Variants in EPHA6 observed in about 807,000 individuals in gnomAD.
EPHA6 encodes the protein EPH receptor A6.
EPHA6 carries 50 observed loss-of-function variants against 112.0 expected under a neutral mutation model. The ratio of observed to expected loss-of-function variants is 0.45; its 90% CI spans 0.36 to 0.56. The LOEUF (loss-of-function observed/expected upper bound fraction) is 0.56. EPHA6 is among the 20% of genes least tolerant of loss of function. EPHA6 has a pLI of 0.00. For missense variants in EPHA6, 1,280 were observed against 1,417.4 expected (o/e 0.90, Z 1.56); for synonymous variants, 529 against 490.7 (o/e 1.08, Z -1.03).
At chr3:96,983,357 C>A (rs11924867) in intron 2 of EPHA6, among the ~76,000 whole-genome samples, 2,422 of 152,234 alleles carry the variant, frequency 0.016, 64 homozygotes, top group African/African-American at 0.049. Flanking sequence ...AAATTCTTTT[C>A]TTTTAGAATG....
chr3:97,330,720 A>C (rs1185231006), intron 5 of EPHA6, among the ~76,000 whole-genome samples: 1 of 152,122 alleles, frequency 6.6e-6, no homozygotes, highest in African/African-American at 2.4e-5. Context: ...TATGCACCCA[A>C]TACAGGAGCA....
chr3:97,649,436 CAT>C (rs1213634133), intron 14 of EPHA6, among the ~76,000 whole-genome samples: 2 of 151,918 alleles, frequency 1.3e-5, no homozygotes. Context: ...AATCTACTAA[CAT>C]AGAAAAAGCT....
intron 3 of EPHA6, among the ~76,000 whole-genome samples, chr3:97,074,685 T>A (rs979813988): frequency 6.6e-6 from 1 of 152,012 alleles, no homozygotes; most frequent in Non-Finnish European, 1.5e-5. Context: ...TCCAAGGATA[T>A]TTTTTGTTCT....
At chr3:97,531,580 T>C (rs1403833369) in intron 10 of EPHA6, among the ~76,000 whole-genome samples, 1 of 152,070 alleles carries the variant, frequency 6.6e-6, no homozygotes, top group African/African-American at 2.4e-5. Flanking sequence ...ATATAGCACT[T>C]ACAGGAATTT....
chr3:97,549,477 T>C (rs1394797741), intron 11 of EPHA6, among the ~76,000 whole-genome samples: 10 of 152,142 alleles, frequency 6.6e-5, no homozygotes, highest in Non-Finnish European at 1.2e-4. Flanking sequence ...AATGTCAGAA[T>C]CTGTTAAAGG....
At chr3:96,945,922 T>C (rs1449746871) in intron 2 of EPHA6, among the ~76,000 whole-genome samples, 1 of 152,148 alleles carries the variant, frequency 6.6e-6, no homozygotes, top group Non-Finnish European at 1.5e-5. Flanking sequence ...TAAAATACCA[T>C]GTGTCTACCA....
At chr3:97,735,268 G>T (rs2107847178) in intron 15 of EPHA6, among the ~76,000 whole-genome samples, 1 of 152,124 alleles carries the variant, frequency 6.6e-6, no homozygotes, top group Non-Finnish European at 1.5e-5. Flanking sequence ...CTAGCTCAGA[G>T]GACACTCAAG....
intron 12 of EPHA6, among the ~76,000 whole-genome samples, chr3:97,605,713 A>G (rs1351054432): frequency 6.6e-6 from 1 of 151,550 alleles, no homozygotes; most frequent in African/African-American, 2.4e-5. Flanking sequence ...TTTGCTTACA[A>G]TTGCCTTGGC....
intron 6 of EPHA6, among the ~76,000 whole-genome samples, chr3:97,440,210 T>A (rs1232579546): frequency 1.3e-5 from 2 of 152,128 alleles, no homozygotes; most frequent in African/African-American, 4.8e-5. Flanking sequence ...GATGTCTAAT[T>A]TCCTTACTGT....
intron 13 of EPHA6, among the ~76,000 whole-genome samples, chr3:97,612,948 G>T (rs768735138): frequency 2.6e-5 from 4 of 151,968 alleles, no homozygotes; most frequent in Non-Finnish European, 5.9e-5. Flanking sequence ...GCTCTCATGC[G>T]TTATGAATTC....
At chr3:97,641,478 C>T (rs1371603104) in intron 14 of EPHA6, among the ~76,000 whole-genome samples, 1 of 152,160 alleles carries the variant, frequency 6.6e-6, no homozygotes, top group African/African-American at 2.4e-5. Context: ...CTACAGCTCC[C>T]AGCGTGAGCG....
intron 14 of EPHA6, among the ~76,000 whole-genome samples, chr3:97,706,601 G>A (rs998292820): frequency 2.0e-5 from 3 of 152,108 alleles, no homozygotes; most frequent in East Asian, 1.9e-4. Flanking sequence ...GACATGAGAC[G>A]CTGTGTCGCC....
intron 3 of EPHA6, among the ~76,000 whole-genome samples, chr3:97,085,438 C>G (rs770186434): frequency 6.6e-6 from 1 of 151,968 alleles, no homozygotes; most frequent in Non-Finnish European, 1.5e-5. Flanking sequence ...GCCAACATGC[C>G]CTTGCACAAT....
chr3:97,121,358 G>T (rs549186537), intron 3 of EPHA6, among the ~76,000 whole-genome samples: 1 of 152,050 alleles, frequency 6.6e-6, no homozygotes, highest in African/African-American at 2.4e-5. Flanking sequence ...TGTTGAGATA[G>T]AAGAGGTTGT....
chr3:97,252,790 G>A (rs1017449060), intron 5 of EPHA6, among the ~76,000 whole-genome samples: 3 of 152,176 alleles, frequency 2.0e-5, no homozygotes, highest in Non-Finnish European at 4.4e-5. Context: ...ACATTATTAA[G>A]AATTTTGATG....
intron 5 of EPHA6, among the ~76,000 whole-genome samples, chr3:97,364,358 T>TTTG (rs2084586429): frequency 6.6e-6 from 1 of 151,616 alleles, no homozygotes; most frequent in African/African-American, 2.4e-5. Context: ...TTTTTTTTTT[T>TTTG]TACATTTGAC....
intron 16 of EPHA6, among the ~76,000 whole-genome samples, chr3:97,742,725 T>A (rs908423634): frequency 5.9e-5 from 9 of 152,176 alleles, no homozygotes; most frequent in Non-Finnish European, 1.3e-4. Context: ...GCCCTTTGAG[T>A]AAAATTACAC....
chr3:97,495,226 A>G (rs1433762572), intron 10 of EPHA6, among the ~76,000 whole-genome samples: 1 of 151,650 alleles, frequency 6.6e-6, no homozygotes, highest in Non-Finnish European at 1.5e-5. Flanking sequence ...GTGCAATATT[A>G]TATTTTTATA....
chr3:97,146,078 C>T (rs915270021), intron 3 of EPHA6, among the ~76,000 whole-genome samples: 1 of 151,660 alleles, frequency 6.6e-6, no homozygotes, highest in East Asian at 1.9e-4. Context: ...TTAAATTATA[C>T]AATATTGCCA....
Sources: allele counts gnomAD v4.1 joint callset (sites outside exome capture counted in the v4.1 genomes callset), GRCh38; gene constraint gnomAD v4.1.1; transcripts MANE v1.5; gene names NCBI Gene and HGNC (gene_info 2026-07-23, HGNC 2026-07-21).